PCED1B: variants seen among roughly 807,000 people sequenced by gnomAD.
PCED1B encodes PC-esterase domain containing 1B.
For missense variants in PCED1B, 573 were observed against 573.9 expected (o/e 1.00, Z 0.02); for synonymous variants, 251 against 246.1 (o/e 1.02, Z -0.19).
intron 2 of PCED1B, among the ~76,000 whole-genome samples, chr12:47,165,999 G>T (rs573654600): frequency 6.6e-6 from 1 of 152,044 alleles, no homozygotes; most frequent in East Asian, 1.9e-4. Context: ...AAATGATTTT[G>T]TCATGCCCAC....
chr12:47,235,315 C>T lies in PCED1B; in HGVS notation c.252C>T (p.Ser84=), dbSNP rs754847732. The T allele has an allele frequency of 8.7e-6, 14 of 1,613,940 alleles. No homozygotes were observed. Among genetic ancestry groups the T allele is most frequent in the Middle Eastern group, 1.6e-4 (1 of 6,084 alleles). ...ACCGTGAGGTCCGCGAGTTCCGCTC[C>T]GACCACCATCTGGTACGTTTTTACT... ...LNYREVREFR[S]DHHLVRFYFL... is the part of the protein sequence containing the mutation. Residue 84 remains serine (S), a synonymous_variant, in exon 4 of 4, where the codon TCC becomes TCT. Coordinates refer to ENST00000546455, the MANE Select transcript of PCED1B (RefSeq NM_138371.3).
intron 1 of PCED1B, among the ~76,000 whole-genome samples, chr12:47,080,653 T>G (rs1937652877): frequency 1.3e-5 from 2 of 152,130 alleles, no homozygotes; most frequent in Non-Finnish European, 2.9e-5. Flanking sequence ...GGTGTCCAAT[T>G]CAAGAAGGAG....
Position 47,224,443 on chromosome 12 carries a change from A to G in PCED1B, c.-58+7754A>G, listed in dbSNP as rs563283584. ...TTAAACTTGGTAATTTTCAGACTCA[A>G]AGTGTTTGAGATTCTTCTGCTGATA... On this transcript the variant is annotated intron_variant, in intron 3 of 3. Transcript: ENST00000546455. 3.5e-4 allele frequency among the ~76,000 whole-genome samples: 53 copies of G among 152,316 alleles called. No homozygotes were observed. In the South Asian group the frequency reaches 9.9e-3, roughly 29 times the overall value.
chr12:47,177,059 T>C (rs1941946879), intron 2 of PCED1B, among the ~76,000 whole-genome samples: 2 of 152,102 alleles, frequency 1.3e-5, no homozygotes, highest in South Asian at 4.1e-4. Flanking sequence ...AACTGAGCAG[T>C]CCCATATGAA....
chr12:47,095,960 T>C (rs1368486498), intron 1 of PCED1B, among the ~76,000 whole-genome samples: 1 of 152,164 alleles, frequency 6.6e-6, no homozygotes, highest in African/African-American at 2.4e-5. Flanking sequence ...AGTGTTTACA[T>C]TCCTAGCCAG....
chr12:47,091,590 T>C (rs1938268539), intron 1 of PCED1B, among the ~76,000 whole-genome samples: 2 of 152,186 alleles, frequency 1.3e-5, no homozygotes, highest in African/African-American at 2.4e-5. Context: ...TTAATGCTTT[T>C]TCATTTGCTT....
intron 2 of PCED1B, among the ~76,000 whole-genome samples, chr12:47,146,039 G>T (rs1940770456): frequency 6.6e-6 from 1 of 152,206 alleles, no homozygotes. Context: ...GAACATTCAT[G>T]ATTCATAGGA....
intron 1 of PCED1B, among the ~76,000 whole-genome samples, chr12:47,097,974 A>C (rs1336726312): frequency 6.6e-6 from 1 of 152,250 alleles, no homozygotes; most frequent in Non-Finnish European, 1.5e-5. Context: ...GTTTTATGCC[A>C]TAGCAAATAA....
At chr12:47,191,505 C>G (rs1942437484) in intron 2 of PCED1B, among the ~76,000 whole-genome samples, 1 of 152,170 alleles carries the variant, frequency 6.6e-6, no homozygotes, top group Non-Finnish European at 1.5e-5. Flanking sequence ...TGTTCACAAC[C>G]CAATGCATTC....
intron 2 of PCED1B, among the ~76,000 whole-genome samples, chr12:47,206,753 G>A (rs1002431428): frequency 1.4e-5 from 2 of 142,322 alleles, no homozygotes; most frequent in East Asian, 2.0e-4. Flanking sequence ...CCCCGCCCCC[G>A]CAACAAAAAA....
At chr12:47,171,694 A>G (rs779674978) in intron 2 of PCED1B, among the ~76,000 whole-genome samples, 16 of 152,210 alleles carry the variant, frequency 1.1e-4, no homozygotes, top group Non-Finnish European at 2.2e-4. Context: ...TGCCTCAGAT[A>G]TAAAATTCTT....
intron 2 of PCED1B, among the ~76,000 whole-genome samples, chr12:47,178,596 C>T (rs1418785301): frequency 6.6e-6 from 1 of 151,898 alleles, no homozygotes; most frequent in Non-Finnish European, 1.5e-5. Flanking sequence ...AGGCCAGGCG[C>T]GGTGGTTCAT....
At chr12:47,135,804 C>T in intron 2 of PCED1B, 1 of 497,922 alleles carries the variant, frequency 2.0e-6, no homozygotes, top group South Asian at 1.5e-5. Context: ...GTGGGGTGCC[C>T]CCAGCACAGC....
rs1555155044 is a variant in PCED1B, at chr12:47,217,470, G to GA, written c.-58+782dup. 2.5e-3 allele frequency among the ~76,000 whole-genome samples: 227 copies of GA among 90,908 alleles called. 6 individuals carry two copies. The highest frequency in any genetic ancestry group is 3.6e-3 in the Non-Finnish European group (168 of 47,012). The allele number at this position is 90,908 out of a possible 152,430, so 59.6% of individuals were successfully genotyped here. On this transcript the variant is annotated intron_variant, in intron 3 of 3. Coordinates refer to ENST00000546455, the MANE Select transcript of PCED1B (RefSeq NM_138371.3). The stretch of plus-strand genomic sequence containing the variant: ...AAAGAAAGAAAGAAAAAGAAAGAAA[G>GA]AGAAAGAAAGAAAGAAAGAAAGAAA...
At chr12:47,132,495 C>G (rs1940174434) in intron 2 of PCED1B, among the ~76,000 whole-genome samples, 1 of 152,174 alleles carries the variant, frequency 6.6e-6, no homozygotes, top group Non-Finnish European at 1.5e-5. Context: ...AGTTTGAATG[C>G]AGTCTTTACA....
At chr12:47,226,021 T>G (rs529063975) in intron 3 of PCED1B, among the ~76,000 whole-genome samples, 42 of 152,318 alleles carry the variant, frequency 2.8e-4, no homozygotes, top group African/African-American at 9.1e-4. Flanking sequence ...TATTAAAAAA[T>G]TAATTATCCC....
intron 1 of PCED1B, among the ~76,000 whole-genome samples, chr12:47,102,847 G>A (rs900114401): frequency 1.3e-5 from 2 of 152,218 alleles, no homozygotes; most frequent in African/African-American, 4.8e-5. Context: ...ATCAGTATAA[G>A]TAACGTAGAA....
chr12:47,217,492 G>GA lies in PCED1B; in HGVS notation c.-58+806dup, dbSNP rs973095849. Among the ~76,000 whole-genome samples, 25 of 128,678 alleles carry GA rather than the reference G, an allele frequency of 1.9e-4. 1 individual carries two copies. Among genetic ancestry groups the GA allele is most frequent in the South Asian group, 7.3e-4 (3 of 4,112 alleles). 84.4% of individuals were successfully genotyped at this position (128,678 alleles called of 152,430 possible). A position where few individuals can be genotyped will look rare whatever the true frequency, so the allele number is the denominator to read the frequency against. ...AAAGAGAAAGAAAGAAAGAAAGAAAGAAAGAAAGAAAGAAAGAAAGAAAGA... is the reference window on the plus strand; with the variant it reads ...AAAGAGAAAGAAAGAAAGAAAGAAAGAAAAGAAAGAAAGAAAGAAAGAAAGA... On this transcript the variant is annotated intron_variant, in intron 3 of 3. Transcript: ENST00000546455.
At chr12:47,187,408 C>G (rs1438784659) in intron 2 of PCED1B, among the ~76,000 whole-genome samples, 2 of 152,034 alleles carry the variant, frequency 1.3e-5, no homozygotes. Context: ...AATCCCCCAT[C>G]TCTACATCAA....
Sources: allele counts gnomAD v4.1 joint callset (sites outside exome capture counted in the v4.1 genomes callset), GRCh38; gene constraint gnomAD v4.1.1; transcripts MANE v1.5; gene names NCBI Gene and HGNC (gene_info 2026-07-23, HGNC 2026-07-21).